Variants in PFKP observed in about 807,000 individuals in gnomAD.
PFKP encodes ATP-dependent 6-phosphofructokinase, platelet type.
PFKP carries 101 observed loss-of-function variants against 94.3 expected under a neutral mutation model. The ratio of observed to expected loss-of-function variants is 1.07; its 90% CI spans 0.91 to 1.26. PFKP has a LOEUF of 1.26. Ranked by LOEUF, PFKP falls within the 50% of genes most tolerant of loss-of-function variation. The probability of loss-of-function intolerance (pLI) is 0.00; values close to 1 mark genes in which losing one functional copy is unlikely to be tolerated. For missense variants in PFKP, 1,145 were observed against 1,103.3 expected, an observed-to-expected ratio of 1.04 and a Z score of -0.53; for synonymous variants, 573 against 432.6, an observed-to-expected ratio of 1.32 and a Z score of -4.03.
In PFKP at chr10:3,129,828, C is replaced by T. The variant is rs146793652; in HGVS notation, c.1693C>T (p.Arg565Cys). 2.6e-4 allele frequency: 419 copies of T among 1,613,432 alleles called. 1 individual carries two copies. The highest frequency in any genetic ancestry group is 1.7e-4 in the Middle Eastern group (1 of 6,056). ...GCTTCTCTGTGACCAGACCTGCGAC[C>T]GCATCAAGCAGTCCGCCAGCGGAAC... is the stretch of plus-strand genomic sequence containing the variant. ...ALNTITDTCD[R>C]IKQSASGTKR... Residue 565 changes from arginine (R) to cysteine (C), a missense_variant, in exon 17 of 22, where the codon CGC becomes TGC. Physicochemically the swap from Arg to Cys is radical, Grantham distance 180. Coordinates refer to ENST00000381125, the MANE Select transcript of PFKP (RefSeq NM_002627.5).
intron 2 of PFKP, among the ~76,000 whole-genome samples, chr10:3,087,944 A>G (rs932836560): frequency 7.4e-6 from 1 of 135,268 alleles, no homozygotes; most frequent in Non-Finnish European, 1.6e-5. Flanking sequence ...TGGTATCATC[A>G]TTTTGCTGTT....
At chr10:3,103,449 C>T (rs1303288263) in intron 4 of PFKP, among the ~76,000 whole-genome samples, 1 of 152,108 alleles carries the variant, frequency 6.6e-6, no homozygotes, top group Non-Finnish European at 1.5e-5. Context: ...GAATTTAAGA[C>T]CCGCCTGGGC....
chr10:3,101,230 T>A, intron 3 of PFKP, 135 bp from the exon 4 acceptor site: 1 of 786,500 alleles, frequency 1.3e-6, no homozygotes, highest in Non-Finnish European at 2.0e-6. Context: ...CTTTCATAGC[T>A]AGTTACTAAC....
intron 19 of PFKP, 26 bp downstream of exon 19, chr10:3,133,340 C>T (rs777351025): frequency 7.3e-6 from 10 of 1,377,196 alleles, no homozygotes; most frequent in Middle Eastern, 1.8e-4. Flanking sequence ...CATGAGGGGC[C>T]ACAAAGCCCC....
chr10:3,089,023 C>T (rs1483136276), intron 2 of PFKP, among the ~76,000 whole-genome samples: 1 of 152,168 alleles, frequency 6.6e-6, no homozygotes, highest in Non-Finnish European at 1.5e-5. Context: ...CCTCTGCCTC[C>T]CGGGTTCAAG....
At chr10:3,073,829 T>G (rs140507173) in intron 1 of PFKP, among the ~76,000 whole-genome samples, 2,815 of 152,126 alleles carry the variant, frequency 0.019, 54 homozygotes, top group African/African-American at 0.05. Context: ...GTGTGTGTTT[T>G]TTTTGTTTGT....
rs952950543 is a variant in PFKP, at chr10:3,129,962, C to T, written c.1827C>T (p.Pro609=). The T allele has an allele frequency of 6.3e-6, 10 of 1,588,942 alleles. No individual in the cohort carries two copies. In the African/African-American group the frequency reaches 9.4e-5, roughly 15 times the overall value. Reference sequence around the variant, plus strand: ...ATGCCGCATACATTTTCGAAGAGCCCTTCGACATCAGGGATCTGCAGGTAT... The same window carrying T: ...ATGCCGCATACATTTTCGAAGAGCCTTTCGACATCAGGGATCTGCAGGTAT... ...GADAAYIFEE[P]FDIRDLQSNV... is the part of the protein sequence containing the mutation. Residue 609 remains proline, a synonymous_variant, in exon 17 of 22, where the codon CCC becomes CCT. Coordinates refer to ENST00000381125, the MANE Select transcript of PFKP (RefSeq NM_002627.5).
At chr10:3,134,964 A>G (rs1839055930) in intron 20 of PFKP, among the ~76,000 whole-genome samples, 1 of 152,076 alleles carries the variant, frequency 6.6e-6, no homozygotes, top group African/African-American at 2.4e-5. Context: ...TCCAGTTTTG[A>G]GGAAGATCTG....
intron 14 of PFKP, among the ~76,000 whole-genome samples, chr10:3,117,674 G>T (rs1331551387): frequency 6.6e-6 from 1 of 152,282 alleles, no homozygotes; most frequent in East Asian, 1.9e-4. Context: ...GTGTGTGGGT[G>T]CCCTGGACGG....
Position 3,103,815 on chromosome 10 carries a change from A to G in PFKP, c.491A>G (p.Tyr164Cys), listed in dbSNP as rs112093453. The G allele has an allele frequency of 1.1e-5, 18 of 1,613,860 alleles. No individual in the cohort carries two copies. The highest frequency in any genetic ancestry group is 4.0e-5 in the African/African-American group (3 of 74,922). ...AAGGAGGCCGTGCAGAAGTACGCCT[A>G]CCTCAACGTGGTGGGCATGGTGGGC... ...IDKEAVQKYA[Y>C]LNVVGMVGSI... Residue 164 changes from tyrosine (Y) to cysteine (C), a missense_variant, in exon 5 of 22, where the codon TAC becomes TGC. By Grantham distance (194) the Tyr-to-Cys change is radical. Transcript: ENST00000381125.
rs1181860135 is a variant in PFKP, at chr10:3,136,719, A to C, written c.*140A>C. On this transcript the variant is annotated 3_prime_UTR_variant, in exon 22 of 22. Transcript: ENST00000381125. ...AGTGCCCATCTGCCCCACCTGCTCC[A>C]GTGCGTGCTGTCTGTGGAGTGTGTC... The C allele has an allele frequency of 1.3e-6, 1 of 764,296 alleles. No homozygotes were observed. The highest frequency in any genetic ancestry group is 2.1e-6 in the Non-Finnish European group (1 of 471,952). 47.3% of individuals were successfully genotyped at this position (764,296 alleles called of 1,614,324 possible).
At chr10:3,113,622 C>G (rs1836491084) in intron 13 of PFKP, 104 bp downstream of exon 13, 1 of 780,094 alleles carries the variant, frequency 1.3e-6, no homozygotes, top group East Asian at 2.9e-5. Flanking sequence ...CTTTTCATGC[C>G]TCAGTCCGGG....
chr10:3,136,686 A>C lies in PFKP; in HGVS notation c.*107A>C. 8.0e-7 allele frequency: 1 copy of C among 1,246,972 alleles called. No individual in the cohort carries two copies. The highest frequency in any genetic ancestry group is 1.4e-5 in the South Asian group (1 of 70,278). The allele number at this position is 1,246,972 out of a possible 1,614,324, so 77.2% of individuals were successfully genotyped here. On this transcript the variant is annotated 3_prime_UTR_variant, in exon 22 of 22. Transcript: ENST00000381125. ...GCACGTATTATTGACATTAATACCT[A>C]ATCGGCGAGTGCCCATCTGCCCCAC...
intron 20 of PFKP, among the ~76,000 whole-genome samples, chr10:3,135,227 T>A (rs1383687201): frequency 6.6e-6 from 1 of 151,012 alleles, no homozygotes; most frequent in African/African-American, 2.5e-5. Context: ...TCATAGCAGA[T>A]GTGTGCTTTT....
At chr10:3,069,235 T>G (rs1283120182) in intron 1 of PFKP, 6 of 1,419,470 alleles carry the variant, frequency 4.2e-6, no homozygotes, top group Non-Finnish European at 4.7e-6. Flanking sequence ...GCGTTAGCAT[T>G]CCAGTAAAAG....
At chr10:3,119,310 A>G (rs1280238100) in intron 15 of PFKP, among the ~76,000 whole-genome samples, 2 of 152,212 alleles carry the variant, frequency 1.3e-5, no homozygotes, top group African/African-American at 2.4e-5. Flanking sequence ...TTACTTTTAG[A>G]AAAAGTAAAA....
chr10:3,084,055 G>T (rs537182327), intron 2 of PFKP, among the ~76,000 whole-genome samples: 7 of 152,218 alleles, frequency 4.6e-5, no homozygotes, highest in Middle Eastern at 6.8e-3. Context: ...CTTTCTCCCC[G>T]TTTTTTAAGC....
chr10:3,121,428 T>G (rs1472916638), intron 16 of PFKP, among the ~76,000 whole-genome samples: 1 of 152,184 alleles, frequency 6.6e-6, no homozygotes, highest in African/African-American at 2.4e-5. Flanking sequence ...TCTGTGAAAG[T>G]TGGGTGTGCA....
At chr10:3,080,877 C>T (rs141087598) in intron 1 of PFKP, among the ~76,000 whole-genome samples, 7 of 152,212 alleles carry the variant, frequency 4.6e-5, no homozygotes, top group Non-Finnish European at 1.0e-4. Context: ...AGGGTGTTAG[C>T]AGCATTCAGC....
Sources: gnomAD v4.1 joint callset for allele counts (sites outside exome capture counted in the v4.1 genomes callset) on GRCh38, gnomAD v4.1.1 for gene constraint, MANE v1.5 for transcripts, NCBI Gene and HGNC (gene_info 2026-07-23, HGNC 2026-07-21) for gene names.